The following SNX29 variants were observed in gnomAD, a reference collection of about 807,000 sequenced individuals.
The protein encoded by SNX29 is sorting nexin-29.
Under a neutral mutation model 102.1 loss-of-function variants are expected in SNX29, and 78 were observed. The observed-to-expected ratio is 0.76, with a 90% CI of 0.64 to 0.92. SNX29 has a LOEUF of 0.92. Among genes scored for constraint, SNX29 ranks in the 40% least tolerant of loss-of-function variants. The pLI, the probability that SNX29 is intolerant of heterozygous loss-of-function variation, is 0.00. For synonymous variants in SNX29, 580 were observed against 414.5 expected, an observed-to-expected ratio of 1.40 and a Z score of -4.85; for missense variants, 1,280 against 1,061.7, an observed-to-expected ratio of 1.21 and a Z score of -2.86.
chr16:12,321,985 G>C (rs1257363273), intron 15 of SNX29, among the ~76,000 whole-genome samples: 2 of 152,178 alleles, frequency 1.3e-5, no homozygotes, highest in Non-Finnish European at 2.9e-5. Context: ...TGGTTCACGT[G>C]ATGGTGAAGT....
intron 19 of SNX29, among the ~76,000 whole-genome samples, chr16:12,519,482 G>T (rs1241561440): frequency 6.6e-6 from 1 of 152,172 alleles, no homozygotes; most frequent in East Asian, 1.9e-4. Flanking sequence ...TTTGTTACAG[G>T]TGATTATGCC....
At chr16:12,401,474 C>T (rs900973532) in intron 17 of SNX29, among the ~76,000 whole-genome samples, 2 of 150,664 alleles carry the variant, frequency 1.3e-5, no homozygotes, top group Non-Finnish European at 2.9e-5. Flanking sequence ...AGTGATTCTC[C>T]TGCCTCAGCC....
At chr16:12,009,687 G>A in intron 3 of SNX29, among the ~76,000 whole-genome samples, 1 of 152,048 alleles carries the variant, frequency 6.6e-6, no homozygotes, top group Non-Finnish European at 1.5e-5. Context: ...TGTTGGTGGT[G>A]TTTTCTAGCT....
In SNX29 at chr16:12,572,476, C is replaced by T. The variant is rs556157991; in HGVS notation, c.*3847C>T. ...GGTACATTTTGCCAACCCTGAGGAC[C>T]AGTTCTTGGGGTTCCAGGCCTCGGC... On this transcript the variant is annotated 3_prime_UTR_variant, in exon 21 of 21. Transcript: ENST00000566228. 56 of 1,063,834 alleles carry T rather than the reference C, an allele frequency of 5.3e-5. No individual in the cohort carries two copies. The African/African-American group carries it at 6.9e-4, about 13-fold the overall frequency. The allele number at this position is 1,063,834 out of a possible 1,614,324, so 65.9% of individuals were successfully genotyped here. A position where few individuals can be genotyped will look rare whatever the true frequency, so the allele number is the denominator to read the frequency against.
intron 19 of SNX29, among the ~76,000 whole-genome samples, chr16:12,485,065 T>G (rs1176580280): frequency 6.6e-6 from 1 of 152,220 alleles, no homozygotes; most frequent in African/African-American, 2.4e-5. Flanking sequence ...CTTTGCTGGG[T>G]GTTGGCACAC....
rs2052216571 is a variant in SNX29 at position 12,086,748 on chromosome 16, T to C, written c.1402+7833T>C. On this transcript the variant is annotated intron_variant, in intron 11 of 20. Transcript: ENST00000566228. ...ATTTTAAAATGAAGAAAAATTTTCT[T>C]TTTACCAGTTTAATTTAACTATTGT... 1.3e-5 allele frequency: 2 copies of C among 151,994 alleles called. 1 individual carries two copies. Among genetic ancestry groups the C allele is most frequent in the South Asian group, 4.1e-4 (2 of 4,826 alleles). The allele number at this position is 151,994 out of a possible 1,614,324, so 9.4% of individuals were successfully genotyped here.
intron 14 of SNX29, among the ~76,000 whole-genome samples, chr16:12,275,445 C>T (rs1266343584): frequency 1.3e-5 from 2 of 152,236 alleles, no homozygotes; most frequent in African/African-American, 4.8e-5. Context: ...TTGCTAATCG[C>T]TTCTTAAACA....
chr16:12,243,304 C>T (rs965011531), intron 14 of SNX29, among the ~76,000 whole-genome samples: 1 of 152,330 alleles, frequency 6.6e-6, no homozygotes, highest in South Asian at 2.1e-4. Context: ...GACCCCCTAG[C>T]CTGGACAGGT....
At chr16:12,320,326 C>A (rs147283780) in intron 15 of SNX29, among the ~76,000 whole-genome samples, 11 of 152,196 alleles carry the variant, frequency 7.2e-5, no homozygotes, top group Admixed American at 7.2e-4. Flanking sequence ...GAAGGAACTG[C>A]AGGAGAGTCA....
intron 13 of SNX29, among the ~76,000 whole-genome samples, chr16:12,176,908 T>C (rs962969867): frequency 6.6e-6 from 1 of 152,114 alleles, no homozygotes. Context: ...GGGGAAAATT[T>C]GCAGGTCCTG....
intron 4 of SNX29, 140 bp downstream of exon 4, chr16:12,027,584 T>A: frequency 1.0e-6 from 1 of 954,852 alleles, no homozygotes; most frequent in Non-Finnish European, 1.5e-6. Context: ...AATCCATGTC[T>A]TAATAGTAGT....
chr16:12,256,275 C>T (rs1596650115), intron 14 of SNX29, among the ~76,000 whole-genome samples: 1 of 152,162 alleles, frequency 6.6e-6, no homozygotes, highest in Admixed American at 6.5e-5. Context: ...ATATTAACCC[C>T]TTATCAGACC....
Position 12,572,994 on chromosome 16 carries a change from A to ATGCAC in SNX29, c.*4365_*4366insTGCAC. 8.4e-6 allele frequency: 3 copies of ATGCAC among 357,032 alleles called. No homozygotes were observed. The highest frequency in any genetic ancestry group is 1.3e-5 in the Non-Finnish European group (3 of 232,312). 22.1% of individuals were successfully genotyped at this position (357,032 alleles called of 1,614,324 possible). ...CAAAATATTGTGCATTAATTCATTA[A>ATGCAC]AGCTACTGTTAAATATTTGCTGTTT... is the stretch of plus-strand genomic sequence containing the variant. On this transcript the variant is annotated 3_prime_UTR_variant, in exon 21 of 21. Transcript: ENST00000566228.
chr16:12,092,979 G>T (rs911630710), intron 11 of SNX29, among the ~76,000 whole-genome samples: 3 of 152,218 alleles, frequency 2.0e-5, no homozygotes, highest in Admixed American at 6.5e-5. Context: ...GATGTGGGAA[G>T]AGGGCTGGAA....
chr16:12,074,723 T>C (rs1277979131), intron 10 of SNX29, among the ~76,000 whole-genome samples: 1 of 152,238 alleles, frequency 6.6e-6, no homozygotes, highest in Admixed American at 6.5e-5. Context: ...CCTTGCTAGA[T>C]TGGGGACGTT....
At chr16:12,563,057 G>T (rs2078820082) in intron 20 of SNX29, among the ~76,000 whole-genome samples, 1 of 152,160 alleles carries the variant, frequency 6.6e-6, no homozygotes, top group Non-Finnish European at 1.5e-5. Flanking sequence ...ACCTCGAAAT[G>T]TAGGTACTGG....
intron 15 of SNX29, among the ~76,000 whole-genome samples, chr16:12,352,477 TGCACGTTG>T (rs2082016768): frequency 6.6e-6 from 1 of 152,146 alleles, no homozygotes. Flanking sequence ...GTAACAAACC[TGCACGTTG>T]TGCACACGTA....
intron 20 of SNX29, among the ~76,000 whole-genome samples, chr16:12,566,612 C>T (rs1260140830): frequency 2.6e-5 from 4 of 152,166 alleles, no homozygotes; most frequent in Non-Finnish European, 4.4e-5. Context: ...AATCAGTTCC[C>T]CTACACTGCA....
At chr16:12,386,950 C>T (rs1409065556) in intron 16 of SNX29, among the ~76,000 whole-genome samples, 1 of 151,896 alleles carries the variant, frequency 6.6e-6, no homozygotes, top group Non-Finnish European at 1.5e-5. Flanking sequence ...CATGGTGAAA[C>T]CTCATCTGTA....
Sources: gnomAD v4.1 joint callset for allele counts (sites outside exome capture counted in the v4.1 genomes callset) on GRCh38, gnomAD v4.1.1 for gene constraint, MANE v1.5 for transcripts, NCBI Gene and HGNC (gene_info 2026-07-23, HGNC 2026-07-21) for gene names.